Variants in CCSER1 observed in about 807,000 individuals in gnomAD.
CCSER1 encodes the protein serine-rich coiled-coil domain-containing protein 1.
Under a neutral mutation model 82.0 loss-of-function variants are expected in CCSER1, and 41 were observed. The observed-to-expected ratio is 0.50, with a 90% CI of 0.39 to 0.65. The LOEUF (loss-of-function observed/expected upper bound fraction) is 0.65. Among genes scored for constraint, CCSER1 ranks in the 30% least tolerant of loss-of-function variants. CCSER1 has a pLI of 0.00. For missense variants in CCSER1, 1,119 were observed against 1,064.2 expected (o/e 1.05, Z -0.72); for synonymous variants, 414 against 383.9 (o/e 1.08, Z -0.92).
chr4:90,369,407 AAG>A lies in CCSER1; in HGVS notation c.1510-30627_1510-30626del, dbSNP rs775509516. Among the ~76,000 whole-genome samples, 495 of 149,392 alleles carry A rather than the reference AAG, an allele frequency of 3.3e-3. 6 individuals carry two copies. The highest frequency in any genetic ancestry group is 5.3e-3 in the Non-Finnish European group (359 of 67,232). ...AGAAAAGGGAAAGAAAGGGAAGAAA[AAG>A]AACATGTAAGTGGGAGCACAGAGGT... is the stretch of plus-strand genomic sequence containing the variant. On this transcript the variant is annotated intron_variant, in intron 3 of 10. Coordinates refer to ENST00000509176, the MANE Select transcript of CCSER1 (RefSeq NM_001145065.2).
chr4:91,143,036 A>G (rs1445905369), intron 10 of CCSER1, among the ~76,000 whole-genome samples: 2 of 152,084 alleles, frequency 1.3e-5, no homozygotes, highest in Non-Finnish European at 2.9e-5. Context: ...CTAATTTTAT[A>G]GGAACAGTGT....
intron 3 of CCSER1, among the ~76,000 whole-genome samples, chr4:90,382,447 C>G (rs1390879501): frequency 6.6e-6 from 1 of 152,000 alleles, no homozygotes; most frequent in Non-Finnish European, 1.5e-5. Context: ...AGAAATTCCT[C>G]TTGATAATAA....
chr4:91,020,276 G>A (rs1269153019), intron 9 of CCSER1, among the ~76,000 whole-genome samples: 1 of 152,116 alleles, frequency 6.6e-6, no homozygotes, highest in Non-Finnish European at 1.5e-5. Context: ...GCAAAGATAT[G>A]TACACTTATT....
chr4:90,930,763 T>C (rs1361974205), intron 9 of CCSER1, among the ~76,000 whole-genome samples: 1 of 151,828 alleles, frequency 6.6e-6, no homozygotes, highest in Non-Finnish European at 1.5e-5. Context: ...ATAATCTGTA[T>C]GAAGCTAAGT....
At chr4:91,357,330 A>G (rs1748913586) in intron 10 of CCSER1, among the ~76,000 whole-genome samples, 1 of 152,120 alleles carries the variant, frequency 6.6e-6, no homozygotes, top group Admixed American at 6.5e-5. Context: ...TTCATGTTTG[A>G]CCATAAGGTA....
chr4:91,460,172 CA>C (rs1348664303), intron 10 of CCSER1, among the ~76,000 whole-genome samples: 1 of 151,978 alleles, frequency 6.6e-6, no homozygotes, highest in African/African-American at 2.4e-5. Flanking sequence ...AATTTGCAAA[CA>C]AAAAAATTTA....
chr4:90,984,469 G>A (rs62309789), intron 9 of CCSER1, among the ~76,000 whole-genome samples: 41,427 of 151,498 alleles, frequency 0.27, 6,860 homozygotes, highest in East Asian at 0.39. Flanking sequence ...TCCCCTCTTG[G>A]TTGCAAGATG....
chr4:90,801,097 A>T (rs982072515), intron 7 of CCSER1, among the ~76,000 whole-genome samples: 7 of 152,174 alleles, frequency 4.6e-5, no homozygotes, highest in African/African-American at 9.6e-5. Flanking sequence ...TGGAAATGAC[A>T]AGAACATAGT....
chr4:91,556,222 C>G (rs1029940488), intron 10 of CCSER1, among the ~76,000 whole-genome samples: 1 of 151,132 alleles, frequency 6.6e-6, no homozygotes, highest in Non-Finnish European at 1.5e-5. Flanking sequence ...AGCTCATTGA[C>G]AGTTAAATAC....
chr4:90,298,604 C>T (rs1391950423), intron 1 of CCSER1, among the ~76,000 whole-genome samples: 1 of 152,074 alleles, frequency 6.6e-6, no homozygotes, highest in African/African-American at 2.4e-5. Context: ...AATTTTGGAT[C>T]TTTCCTGCTT....
At chr4:91,076,332 T>G (rs1306570246) in intron 9 of CCSER1, among the ~76,000 whole-genome samples, 1 of 17,644 alleles carries the variant, frequency 5.7e-5, no homozygotes. Context: ...AACCATGCAG[T>G]TTTTTTTTTT....
chr4:90,922,674 T>C (rs926672978), intron 8 of CCSER1, among the ~76,000 whole-genome samples: 1 of 152,074 alleles, frequency 6.6e-6, no homozygotes, highest in Non-Finnish European at 1.5e-5. Context: ...CACTCTCAGC[T>C]GTGAGAGGCA....
chr4:91,075,416 T>C (rs1219331858), intron 9 of CCSER1, among the ~76,000 whole-genome samples: 1 of 152,140 alleles, frequency 6.6e-6, no homozygotes, highest in Non-Finnish European at 1.5e-5. Context: ...AGAGTATTTT[T>C]AAATATGCTT....
At chr4:90,138,301 C>G (rs1055824966) in intron 1 of CCSER1, among the ~76,000 whole-genome samples, 1 of 152,166 alleles carries the variant, frequency 6.6e-6, no homozygotes, top group South Asian at 2.1e-4. Context: ...AAGTGATCCT[C>G]TCACTTATGC....
chr4:90,425,435 A>T (rs892406103), intron 4 of CCSER1, among the ~76,000 whole-genome samples: 3 of 152,122 alleles, frequency 2.0e-5, no homozygotes, highest in African/African-American at 7.2e-5. Context: ...AGCACTTTGA[A>T]TTCTTGCTTT....
At chr4:90,700,618 G>T (rs1326512854) in intron 6 of CCSER1, among the ~76,000 whole-genome samples, 1 of 152,256 alleles carries the variant, frequency 6.6e-6, no homozygotes, top group Middle Eastern at 3.4e-3. Context: ...GTGTAAAAGT[G>T]TTCCTATTTC....
chr4:90,850,059 C>T (rs888448784), intron 8 of CCSER1, among the ~76,000 whole-genome samples: 8 of 152,098 alleles, frequency 5.3e-5, no homozygotes, highest in East Asian at 3.9e-4. Context: ...CAGCTCTAGC[C>T]GTGGCTAAAA....
chr4:90,367,975 T>C (rs908176936), intron 3 of CCSER1, among the ~76,000 whole-genome samples: 1 of 151,988 alleles, frequency 6.6e-6, no homozygotes, highest in African/African-American at 2.4e-5. Context: ...TTAGGGAATT[T>C]GATGCAAAAT....
chr4:90,511,506 C>A (rs1193056145), intron 5 of CCSER1, among the ~76,000 whole-genome samples: 1 of 152,112 alleles, frequency 6.6e-6, no homozygotes, highest in Non-Finnish European at 1.5e-5. Flanking sequence ...AGTTCAGAGA[C>A]AATAGACTAA....
Sources: gnomAD v4.1 joint callset for allele counts (sites outside exome capture counted in the v4.1 genomes callset) on GRCh38, gnomAD v4.1.1 for gene constraint, MANE v1.5 for transcripts, NCBI Gene and HGNC (gene_info 2026-07-23, HGNC 2026-07-21) for gene names.